HS1BP3: variants seen among roughly 807,000 people sequenced by gnomAD.
HS1BP3 encodes the protein HCLS1-binding protein 3.
Under a neutral mutation model 33.5 loss-of-function variants are expected in HS1BP3, and 32 were observed. The ratio of observed to expected loss-of-function variants is 0.95; its 90% CI spans 0.72 to 1.28. HS1BP3 has a LOEUF of 1.28. Among genes scored for constraint, HS1BP3 ranks in the 50% most tolerant of loss-of-function variants. The pLI is 0.00. For synonymous variants in HS1BP3, 187 were observed against 209.2 expected, an observed-to-expected ratio of 0.89 and a Z score of 0.92; for missense variants, 486 against 502.3, an observed-to-expected ratio of 0.97 and a Z score of 0.31.
chr2:20,616,269 G>A (rs558262338), downstream of HS1BP3, among the ~76,000 whole-genome samples: 3 of 152,270 alleles, frequency 2.0e-5, no homozygotes, highest in Non-Finnish European at 4.4e-5. Context: ...CAAAATCTTG[G>A]GGGGGATAGA....
chr2:20,594,559 T>G (rs1228381350), intron 3 of HS1BP3, among the ~76,000 whole-genome samples: 1 of 152,138 alleles, frequency 6.6e-6, no homozygotes, highest in East Asian at 1.9e-4. Context: ...GCCATAGTGC[T>G]TGGTAGAAGA....
chr2:20,573,224 G>A (rs1163305707), intron 5 of HS1BP3, among the ~76,000 whole-genome samples: 2 of 152,056 alleles, frequency 1.3e-5, no homozygotes, highest in Non-Finnish European at 2.9e-5. Context: ...CTACATGCCC[G>A]GAGCCTCCAG....
chr2:20,600,317 C>A (rs985424529), intron 2 of HS1BP3, among the ~76,000 whole-genome samples: 1 of 152,066 alleles, frequency 6.6e-6, no homozygotes, highest in Non-Finnish European at 1.5e-5. Flanking sequence ...CCACTGAGGG[C>A]GAGGTTGGCT....
intron 4 of HS1BP3, chr2:20,638,065 C>G: frequency 2.4e-6 from 1 of 419,764 alleles, no homozygotes; most frequent in Non-Finnish European, 4.2e-6. Context: ...GAGCCGCAGC[C>G]ACCTCTGCGA....
At chr2:20,649,226 G>T (rs914863721) in intron 1 of HS1BP3, among the ~76,000 whole-genome samples, 1 of 152,062 alleles carries the variant, frequency 6.6e-6, no homozygotes, top group African/African-American at 2.4e-5. Flanking sequence ...CCTCTTCACC[G>T]CATCACCTAA....
chr2:20,594,682 C>T (rs568212846), intron 3 of HS1BP3, among the ~76,000 whole-genome samples: 2 of 152,320 alleles, frequency 1.3e-5, no homozygotes, highest in East Asian at 3.9e-4. Flanking sequence ...TCCATTCAGG[C>T]TGCTACAACA....
intron 2 of HS1BP3, chr2:20,606,655 T>G (rs1189569961): frequency 2.3e-6 from 1 of 441,348 alleles, no homozygotes. Flanking sequence ...TGGGTGGCAT[T>G]GCAAAGCTCA....
intron 2 of HS1BP3, among the ~76,000 whole-genome samples, chr2:20,643,837 G>A (rs1695433837): frequency 6.6e-6 from 1 of 152,190 alleles, no homozygotes; most frequent in African/African-American, 2.4e-5. Flanking sequence ...GGAGGCTGAG[G>A]CAGGAGGATT....
In HS1BP3 at chr2:20,649,691, G is replaced by A. The variant is rs757239479; in HGVS notation, c.32+1341C>T. Among the ~76,000 whole-genome samples the A allele has an allele frequency of 1.4e-4, 21 of 152,186 alleles. 1 individual carries two copies. Among genetic ancestry groups the A allele is most frequent in the Non-Finnish European group, 2.4e-4 (16 of 68,036 alleles). On this transcript the variant is annotated intron_variant, in intron 1 of 6. Transcript: ENST00000304031. ...GGGCTGGAAAGAGGAGCTGGGGTGCGACTGGGAAGGGCCGGCCTTGCTGCT... is the reference window on the plus strand; with the variant it reads ...GGGCTGGAAAGAGGAGCTGGGGTGCAACTGGGAAGGGCCGGCCTTGCTGCT...
intron 4 of HS1BP3, chr2:20,635,560 G>A (rs1173909035): frequency 6.6e-6 from 1 of 152,148 alleles, no homozygotes; most frequent in Non-Finnish European, 1.5e-5. Context: ...TCCCGCAGAG[G>A]ATTTCCAGCA....
downstream of HS1BP3, among the ~76,000 whole-genome samples, chr2:20,588,422 T>C (rs765110824): frequency 6.6e-6 from 1 of 152,224 alleles, no homozygotes; most frequent in African/African-American, 2.4e-5. Flanking sequence ...GTTCAAGCGA[T>C]TCTCCCGCCT....
At chr2:20,568,137 T>C (rs1007593854) in intron 5 of HS1BP3, among the ~76,000 whole-genome samples, 2 of 152,118 alleles carry the variant, frequency 1.3e-5, no homozygotes, top group African/African-American at 4.8e-5. Context: ...AGGGCCATTC[T>C]AGCTGGAGAC....
At chr2:20,615,540 G>A (rs1045070208), downstream of HS1BP3, among the ~76,000 whole-genome samples, 3 of 152,226 alleles carry the variant, frequency 2.0e-5, no homozygotes, top group African/African-American at 2.4e-5. Flanking sequence ...CATTGACTAT[G>A]TTTGCTCTGG....
At chr2:20,556,414 G>A (rs544021589), downstream of HS1BP3, among the ~76,000 whole-genome samples, 19 of 152,172 alleles carry the variant, frequency 1.2e-4, no homozygotes, top group Middle Eastern at 3.4e-3. Flanking sequence ...TCATCAATCC[G>A]AGTTTATGTT....
chr2:20,622,007 C>T (rs1694615132), intron 6 of HS1BP3, among the ~76,000 whole-genome samples: 1 of 151,822 alleles, frequency 6.6e-6, no homozygotes, highest in African/African-American at 2.4e-5. Flanking sequence ...CCCTGGGTTC[C>T]TGCGGAAGAC....
At chr2:20,577,070 C>T (rs375709952) in intron 5 of HS1BP3, among the ~76,000 whole-genome samples, 9 of 152,196 alleles carry the variant, frequency 5.9e-5, no homozygotes, top group East Asian at 1.9e-4. Context: ...AGGGAATTGC[C>T]GTTTGAGTTG....
At chr2:20,583,477 C>T (rs7601273) in intron 5 of HS1BP3, among the ~76,000 whole-genome samples, 5,979 of 151,580 alleles carry the variant, frequency 0.039, 402 homozygotes, top group African/African-American at 0.14. Flanking sequence ...GACCTGTCAC[C>T]CCTGGAGGGA....
intron 2 of HS1BP3, among the ~76,000 whole-genome samples, chr2:20,610,993 G>A (rs1694308103): frequency 6.6e-6 from 1 of 152,172 alleles, no homozygotes; most frequent in Non-Finnish European, 1.5e-5. Context: ...GCAACCATGG[G>A]TCTGCTTTCT....
chr2:20,638,331 G>A (rs368047104), intron 4 of HS1BP3, 105 bp downstream of exon 4: 39 of 1,155,540 alleles, frequency 3.4e-5, no homozygotes, highest in African/African-American at 3.1e-4. Flanking sequence ...GCGAGGGGGC[G>A]ACCTGGGATG....
Sources: gnomAD v4.1 joint callset for allele counts (sites outside exome capture counted in the v4.1 genomes callset) on GRCh38, gnomAD v4.1.1 for gene constraint, MANE v1.5 for transcripts, NCBI Gene and HGNC (gene_info 2026-07-23, HGNC 2026-07-21) for gene names.